Variants in DIAPH2 observed in about 807,000 individuals in gnomAD.
DIAPH2 encodes the protein protein diaphanous homolog 2.
In DIAPH2, 35 loss-of-function variants were observed where a neutral mutation model predicts 92.7. That is an observed-to-expected ratio of 0.38 (90% CI 0.29 to 0.50). The LOEUF (loss-of-function observed/expected upper bound fraction) is 0.50, where lower values mean the gene tolerates loss of function less well. Ranked by LOEUF, DIAPH2 falls within the 20% of genes least tolerant of loss-of-function variation. The pLI is 0.94. For missense variants in DIAPH2, 701 were observed against 819.5 expected (o/e 0.86, Z 1.77); for synonymous variants, 301 against 280.4 (o/e 1.07, Z -0.73).
At chrX:96,696,113 G>T (rs2063823988) in intron 1 of DIAPH2, among the ~76,000 whole-genome samples, 1 of 111,894 alleles carries the variant, frequency 8.9e-6, no homozygotes, top group Non-Finnish European at 1.9e-5. Flanking sequence ...TGGGTGCAGT[G>T]GCTGATGCCT....
At chrX:96,980,404 C>A (rs1426369872) in intron 17 of DIAPH2, among the ~76,000 whole-genome samples, 1 of 111,122 alleles carries the variant, frequency 9.0e-6, no homozygotes, top group African/African-American at 3.3e-5. Context: ...TTCTCTCCAA[C>A]GTTCAGCTGC....
At chrX:97,578,511 T>A (rs2071414380) in intron 26 of DIAPH2, among the ~76,000 whole-genome samples, 1 of 98,929 alleles carries the variant, frequency 1.0e-5, no homozygotes, top group African/African-American at 3.6e-5. Context: ...CATCATTTTT[T>A]ATGGCTGCAT....
At chrX:97,581,067 T>TTTA (rs2071438078) in intron 26 of DIAPH2, among the ~76,000 whole-genome samples, 1 of 104,214 alleles carries the variant, frequency 9.6e-6, no homozygotes, top group Non-Finnish European at 2.0e-5. Context: ...TCTTTTTTTC[T>TTTA]TTATTAGTCT....
intron 26 of DIAPH2, among the ~76,000 whole-genome samples, chrX:97,561,528 G>A (rs1258714324): frequency 2.7e-5 from 3 of 111,936 alleles, no homozygotes; most frequent in South Asian, 3.7e-4. Context: ...CTTTTAAATC[G>A]CCCTGTACCT....
chrX:96,740,326 C>T (rs1357618606), intron 3 of DIAPH2, among the ~76,000 whole-genome samples: 2 of 111,917 alleles, frequency 1.8e-5, no homozygotes, highest in African/African-American at 6.5e-5. Context: ...AGTTTATCAC[C>T]CTGGTGTCCT....
intron 15 of DIAPH2, among the ~76,000 whole-genome samples, chrX:96,955,955 C>T (rs2147815759): frequency 8.9e-6 from 1 of 112,405 alleles, no homozygotes; most frequent in Non-Finnish European, 1.9e-5. Context: ...GATGGTGGCC[C>T]TCTTCTCACA....
At chrX:97,483,494 A>G (rs1214023613) in intron 26 of DIAPH2, among the ~76,000 whole-genome samples, 2 of 112,249 alleles carry the variant, frequency 1.8e-5, no homozygotes, top group African/African-American at 3.2e-5. Context: ...CTGTCATTCC[A>G]TTTAAGAACC....
intron 22 of DIAPH2, among the ~76,000 whole-genome samples, chrX:97,210,436 GAGTTAAGTACATACC>G (rs2147504529): frequency 9.0e-6 from 1 of 111,543 alleles, no homozygotes; most frequent in East Asian, 2.8e-4. Flanking sequence ...AAAATGTCTT[GAGTTAAGTACATACC>G]CGAAGCTAGA....
intron 17 of DIAPH2, among the ~76,000 whole-genome samples, chrX:96,979,343 G>A (rs2065980212): frequency 8.9e-6 from 1 of 112,371 alleles, no homozygotes. Flanking sequence ...GCATTCCCAT[G>A]TTTGGAACAT....
intron 26 of DIAPH2, among the ~76,000 whole-genome samples, chrX:97,547,247 G>A (rs1332530575): frequency 1.8e-5 from 2 of 111,455 alleles, no homozygotes; most frequent in Non-Finnish European, 3.8e-5. Flanking sequence ...CAGACTGATG[G>A]TAAAACAAGA....
chrX:97,002,010 G>GT (rs2066147983), intron 17 of DIAPH2, among the ~76,000 whole-genome samples: 1 of 109,849 alleles, frequency 9.1e-6, no homozygotes, highest in African/African-American at 3.3e-5. Context: ...TAGCTTTTCT[G>GT]TTTAAAAAAA....
At chrX:97,047,284 A>G (rs2066490095) in intron 17 of DIAPH2, among the ~76,000 whole-genome samples, 3 of 110,976 alleles carry the variant, frequency 2.7e-5, no homozygotes, top group Non-Finnish European at 3.8e-5. Context: ...ATGCATTGTT[A>G]GAGATAGCCC....
At chrX:97,191,554 G>A (rs988595452) in intron 22 of DIAPH2, among the ~76,000 whole-genome samples, 31 of 110,914 alleles carry the variant, frequency 2.8e-4, no homozygotes, top group African/African-American at 9.5e-4. Context: ...AGTAGGTGTA[G>A]GCTGCAGGCT....
intron 4 of DIAPH2, among the ~76,000 whole-genome samples, chrX:96,800,480 T>G (rs1329727525): frequency 8.9e-6 from 1 of 112,011 alleles, no homozygotes; most frequent in Non-Finnish European, 1.9e-5. Context: ...TAAAAGCATG[T>G]CCTTTCCTCT....
At chrX:96,958,829 A>G (rs2065829353) in intron 16 of DIAPH2, among the ~76,000 whole-genome samples, 2 of 111,564 alleles carry the variant, frequency 1.8e-5, no homozygotes, top group African/African-American at 6.5e-5. Flanking sequence ...AGAATATATG[A>G]TATTTGTTTT....
chrX:97,593,610 A>G (rs2071531484), intron 26 of DIAPH2, among the ~76,000 whole-genome samples: 1 of 112,017 alleles, frequency 8.9e-6, no homozygotes, highest in Admixed American at 9.5e-5. Flanking sequence ...AAAGATTGAT[A>G]GATTTAGTTT....
chrX:97,402,207 C>CGTGTGTGTGTGTGTGT (rs10695870), intron 25 of DIAPH2, among the ~76,000 whole-genome samples: 1 of 99,842 alleles, frequency 1.0e-5, no homozygotes. Context: ...TCATTTGCAT[C>CGTGTGTGTGTGTGTGT]GTGTGTGTGT....
At chrX:97,145,594 T>C (rs2147415588) in intron 22 of DIAPH2, among the ~76,000 whole-genome samples, 1 of 110,512 alleles carries the variant, frequency 9.0e-6, no homozygotes, top group East Asian at 2.8e-4. Flanking sequence ...CTCTCTGCTC[T>C]ATTTTGATCA....
intron 26 of DIAPH2, among the ~76,000 whole-genome samples, chrX:97,597,735 A>C: frequency 8.9e-6 from 1 of 111,995 alleles, no homozygotes; most frequent in Admixed American, 9.5e-5. Context: ...CTAAGTAATA[A>C]GTCCTTTATT....
Sources: gnomAD v4.1 joint callset for allele counts (sites outside exome capture counted in the v4.1 genomes callset) on GRCh38, gnomAD v4.1.1 for gene constraint, MANE v1.5 for transcripts, NCBI Gene and HGNC (gene_info 2026-07-23, HGNC 2026-07-21) for gene names.